NRXN3: variants seen among roughly 807,000 people sequenced by gnomAD.
NRXN3 encodes neurexin 3, also known as neurexin III.
Under a neutral mutation model 137.6 loss-of-function variants are expected in NRXN3, and 32 were observed. The ratio of observed to expected loss-of-function variants is 0.23; its 90% CI spans 0.18 to 0.31. The LOEUF (loss-of-function observed/expected upper bound fraction) is 0.31, where lower values mean the gene tolerates loss of function less well. Ranked by LOEUF, NRXN3 falls within the 10% of genes least tolerant of loss-of-function variation. NRXN3 has a pLI of 1.00. For missense variants in NRXN3, 1,574 were observed against 2,062.5 expected, an observed-to-expected ratio of 0.76 and a Z score of 4.59; for synonymous variants, 798 against 784.5, an observed-to-expected ratio of 1.02 and a Z score of -0.29.
At chr14:79,640,831 C>T (rs564279667) in intron 16 of NRXN3, among the ~76,000 whole-genome samples, 28 of 135,216 alleles carry the variant, frequency 2.1e-4, no homozygotes, top group African/African-American at 6.6e-4. Flanking sequence ...ATTCTAACCA[C>T]TAATTAACTA....
At chr14:79,056,321 T>G (rs536284323) in intron 15 of NRXN3, among the ~76,000 whole-genome samples, 2 of 152,194 alleles carry the variant, frequency 1.3e-5, no homozygotes, top group Admixed American at 1.3e-4. Context: ...AAACATATTT[T>G]AATTTCAATA....
Position 78,967,200 on chromosome 14 carries a change from C to CTTTTTTTTT in NRXN3, c.2778-6_2778-5insTTTTTTTTT. On this transcript the variant is annotated splice_region_variant and splice_polypyrimidine_tract_variant and intron_variant, in intron 12 of 20. Coordinates refer to ENST00000335750, the MANE Select transcript of NRXN3 (RefSeq NM_001330195.2). ...CCAATTATTGTTTTTTTTTTTTTTT[C>CTTTTTTTTT]TTCCTAGGTATATACACTACGTTTT... 7.6e-7 allele frequency: 1 copy of CTTTTTTTTT among 1,320,046 alleles called. No homozygotes were observed. Among genetic ancestry groups the CTTTTTTTTT allele is most frequent in the Non-Finnish European group, 1.0e-6 (1 of 999,338 alleles). 81.8% of individuals were successfully genotyped at this position (1,320,046 alleles called of 1,614,324 possible).
chr14:79,702,903 G>C (rs191254760), intron 19 of NRXN3, among the ~76,000 whole-genome samples: 1 of 49,968 alleles, frequency 2.0e-5, no homozygotes, highest in South Asian at 8.2e-4. Context: ...TTTACCTTAT[G>C]TCTCCATCCT....
chr14:79,812,126 TA>T (rs955242475), intron 20 of NRXN3, among the ~76,000 whole-genome samples: 3 of 151,960 alleles, frequency 2.0e-5, no homozygotes, highest in African/African-American at 7.2e-5. Flanking sequence ...TATTTAATAA[TA>T]AAAAAATGAA....
At chr14:78,339,853 C>A (rs533569796) in intron 4 of NRXN3, among the ~76,000 whole-genome samples, 1 of 152,132 alleles carries the variant, frequency 6.6e-6, no homozygotes, top group Non-Finnish European at 1.5e-5. Flanking sequence ...AGAAGAAGTA[C>A]GTCTCAGGTC....
chr14:79,825,334 T>C (rs1178017289), intron 20 of NRXN3, among the ~76,000 whole-genome samples: 1 of 152,124 alleles, frequency 6.6e-6, no homozygotes, highest in Non-Finnish European at 1.5e-5. Flanking sequence ...CTATCAGTTG[T>C]CATTCATGCT....
chr14:78,274,207 C>T (rs1232279578), intron 2 of NRXN3, among the ~76,000 whole-genome samples: 1 of 152,174 alleles, frequency 6.6e-6, no homozygotes, highest in Non-Finnish European at 1.5e-5. Flanking sequence ...TTAGTCTGTT[C>T]TCATGCTTCT....
At chr14:78,571,874 G>C (rs2096892899) in intron 4 of NRXN3, among the ~76,000 whole-genome samples, 1 of 152,066 alleles carries the variant, frequency 6.6e-6, no homozygotes, top group Non-Finnish European at 1.5e-5. Context: ...AATCCCCTGA[G>C]TTTTTACCTC....
rs537296501 is a variant in NRXN3, at chr14:79,227,298, C to T, written c.3262+239157C>T. On this transcript the variant is annotated intron_variant, in intron 15 of 20. Transcript: ENST00000335750. ...GTTGGTGGCATTGCCTTTGGTGCAT[C>T]CTTTTCTTTCACCTCTTATACTTTC... Among the ~76,000 whole-genome samples, 6 of 152,168 alleles carry T rather than the reference C, an allele frequency of 3.9e-5. No homozygotes were observed. In the South Asian group the frequency reaches 1.2e-3, roughly 32 times the overall value.
intron 10 of NRXN3, among the ~76,000 whole-genome samples, chr14:78,917,458 A>ATT (rs1266675230): frequency 6.6e-6 from 1 of 152,206 alleles, no homozygotes; most frequent in Non-Finnish European, 1.5e-5. Flanking sequence ...TAAACCGAAA[A>ATT]TTAAAGTTAA....
At chr14:78,172,698 A>C (rs2058845468) in intron 1 of NRXN3, among the ~76,000 whole-genome samples, 1 of 152,172 alleles carries the variant, frequency 6.6e-6, no homozygotes, top group African/African-American at 2.4e-5. Context: ...TAAAGTGAGC[A>C]ACAGGGCTGG....
At chr14:78,178,401 T>C (rs2059469996) in intron 1 of NRXN3, among the ~76,000 whole-genome samples, 1 of 152,164 alleles carries the variant, frequency 6.6e-6, no homozygotes, top group African/African-American at 2.4e-5. Flanking sequence ...GCTGGTTGTC[T>C]TTTGCATGGC....
chr14:79,052,044 T>C (rs1451326453), intron 15 of NRXN3, among the ~76,000 whole-genome samples: 3 of 152,226 alleles, frequency 2.0e-5, no homozygotes, highest in African/African-American at 4.8e-5. Context: ...TCTTAATTTA[T>C]GTAATTTTTA....
At chr14:79,293,104 TG>T (rs1445267599) in intron 15 of NRXN3, among the ~76,000 whole-genome samples, 1 of 152,172 alleles carries the variant, frequency 6.6e-6, no homozygotes, top group Non-Finnish European at 1.5e-5. Flanking sequence ...AGCCATTTTA[TG>T]TGTGTGTATT....
chr14:78,899,528 C>T (rs2099188790), intron 10 of NRXN3, among the ~76,000 whole-genome samples: 1 of 151,934 alleles, frequency 6.6e-6, no homozygotes, highest in Admixed American at 6.6e-5. Flanking sequence ...AATATTCTTG[C>T]CCCATCAATA....
chr14:78,814,153 T>C (rs1193321174), intron 10 of NRXN3, among the ~76,000 whole-genome samples: 2 of 152,220 alleles, frequency 1.3e-5, no homozygotes, highest in Non-Finnish European at 2.9e-5. Context: ...AGGTCTTTGG[T>C]TGAATCAAGT....
intron 4 of NRXN3, among the ~76,000 whole-genome samples, chr14:78,396,395 A>G (rs1156460670): frequency 1.3e-5 from 2 of 152,152 alleles, no homozygotes; most frequent in East Asian, 3.8e-4. Context: ...AGGAGAAGAA[A>G]AGTCTATTTG....
At chr14:79,193,861 C>T (rs907986917) in intron 15 of NRXN3, among the ~76,000 whole-genome samples, 11 of 152,146 alleles carry the variant, frequency 7.2e-5, no homozygotes, top group Non-Finnish European at 1.3e-4. Flanking sequence ...AATAGTTTAC[C>T]TCTGACTAGC....
At chr14:78,703,117 G>T (rs961068669) in intron 6 of NRXN3, among the ~76,000 whole-genome samples, 1 of 152,192 alleles carries the variant, frequency 6.6e-6, no homozygotes, top group Non-Finnish European at 1.5e-5. Flanking sequence ...ATGAACATTT[G>T]TTAAGCACCT....
Sources: gnomAD v4.1 joint callset for allele counts (sites outside exome capture counted in the v4.1 genomes callset) on GRCh38, gnomAD v4.1.1 for gene constraint, MANE v1.5 for transcripts, NCBI Gene and HGNC (gene_info 2026-07-23, HGNC 2026-07-21) for gene names.